The following VGLL1 variants were observed in gnomAD, a reference collection of about 807,000 sequenced individuals.
The protein encoded by VGLL1 is vestigial like family member 1, also known as transcription cofactor vestigial-like protein 1.
In VGLL1, 4 loss-of-function variants were observed where a neutral mutation model predicts 12.0. That is an observed-to-expected ratio of 0.33 (90% confidence interval 0.16 to 0.76). The LOEUF (loss-of-function observed/expected upper bound fraction) is 0.76, where lower values mean the gene tolerates loss of function less well. Among genes scored for constraint, VGLL1 ranks in the 30% least tolerant of loss-of-function variants. The pLI, the probability that VGLL1 is intolerant of heterozygous loss-of-function variation, is 0.60. For synonymous variants in VGLL1, 87 were observed against 81.2 expected (o/e 1.07, Z -0.39); for missense variants, 204 against 208.7 (o/e 0.98, Z 0.14).
At position 136,556,785 on chromosome X, in the gene VGLL1, CTG is replaced by C; in HGVS notation, c.*248_*249del. On this transcript the variant is annotated 3_prime_UTR_variant, in exon 5 of 5. Coordinates refer to ENST00000370634, the MANE Select transcript of VGLL1 (RefSeq NM_016267.4). ...GCTCAGATGATGAATAATAATAAAACTGTACTTTTTTGGATGGTGCTATGCCG... is the reference window on the plus strand; with the variant it reads ...GCTCAGATGATGAATAATAATAAAACTACTTTTTTGGATGGTGCTATGCCG... The C allele has an allele frequency of 3.1e-6, 1 of 319,430 alleles. No individual in the cohort carries two copies. Among genetic ancestry groups the C allele is most frequent in the Admixed American group, 5.3e-5 (1 of 19,022 alleles). The allele number at this position is 319,430 out of a possible 1,213,427, so 26.3% of individuals were successfully genotyped here. A position where few individuals can be genotyped will look rare whatever the true frequency, so the allele number is the denominator to read the frequency against.
At position 136,536,234 on chromosome X, in the gene VGLL1, G is replaced by A. The variant is rs377012032; in HGVS notation, c.214G>A (p.Asp72Asn). 21 of 1,206,021 alleles carry A rather than the reference G, an allele frequency of 1.7e-5. No individual in the cohort carries two copies. In the African/African-American group the frequency reaches 3.0e-4, roughly 17 times the overall value. The change falls in exon 2 of 5, where the codon GAT becomes AAT. Residue 72 changes from aspartate to asparagine, a missense_variant and splice_region_variant. Transcript: ENST00000370634. ...GAGTGAAGGTGTGATGCTGAAAAAC[G>A]GTGAGCATGTGGGGAGGGAGGGAGC... The part of the protein sequence containing the change: ...SQSEGVMLKN[D>N]DSMSPNQWRY...
chrX:136,533,341 G>T (rs2075831250), intron 1 of VGLL1, among the ~76,000 whole-genome samples: 2 of 111,040 alleles, frequency 1.8e-5, no homozygotes, highest in African/African-American at 6.6e-5. Context: ...AGCTCTCCAA[G>T]GTGAAGAGGC....
At chrX:136,537,763 G>A (rs1457820705) in intron 2 of VGLL1, among the ~76,000 whole-genome samples, 2 of 106,127 alleles carry the variant, frequency 1.9e-5, no homozygotes, top group Non-Finnish European at 3.9e-5. Context: ...ACAGGATCTC[G>A]CTATGTTGCC....
intron 2 of VGLL1, among the ~76,000 whole-genome samples, chrX:136,541,240 C>G: frequency 8.9e-6 from 1 of 112,258 alleles, no homozygotes; most frequent in Non-Finnish European, 1.9e-5. Context: ...GGGCATGGCC[C>G]TGTTCCTTGC....
chrX:136,535,282 C>T (rs1349701407), intron 1 of VGLL1, among the ~76,000 whole-genome samples: 1 of 112,423 alleles, frequency 8.9e-6, no homozygotes, highest in Non-Finnish European at 1.9e-5. Flanking sequence ...GGGAACAGAG[C>T]TGACAATCTT....
intron 2 of VGLL1, among the ~76,000 whole-genome samples, chrX:136,541,222 G>A (rs2075855292): frequency 8.9e-6 from 1 of 112,095 alleles, no homozygotes; most frequent in African/African-American, 3.2e-5. Flanking sequence ...TGCCTGCTGA[G>A]GGAAGTTGGG....
intron 3 of VGLL1, 31 bp from the exon 4 acceptor site, chrX:136,550,737 G>T: frequency 8.5e-7 from 1 of 1,182,817 alleles, no homozygotes; most frequent in Non-Finnish European, 1.1e-6. Context: ...AGAAATTTCA[G>T]TTCCAATAAT....
chrX:136,544,620 A>G (rs921704328), intron 2 of VGLL1, among the ~76,000 whole-genome samples: 18 of 112,672 alleles, frequency 1.6e-4, no homozygotes, highest in African/African-American at 4.8e-4. Flanking sequence ...TGAGGATCAC[A>G]TGAGATCATG....
At chrX:136,534,738 A>G (rs2075834857) in intron 1 of VGLL1, among the ~76,000 whole-genome samples, 1 of 112,082 alleles carries the variant, frequency 8.9e-6, no homozygotes, top group Non-Finnish European at 1.9e-5. Context: ...AGTTTTTCAA[A>G]GCATTTGTTC....
At chrX:136,533,316 A>G (rs963835430) in intron 1 of VGLL1, among the ~76,000 whole-genome samples, 39 of 110,906 alleles carry the variant, frequency 3.5e-4, no homozygotes, top group Non-Finnish European at 7.2e-4. Flanking sequence ...AGGATGCCCA[A>G]TTGCCCACGG....
chrX:136,535,847 C>T (rs1402293516), intron 1 of VGLL1, 149 bp from the exon 2 acceptor site: 1 of 445,164 alleles, frequency 2.2e-6, no homozygotes, highest in African/African-American at 2.5e-5. Flanking sequence ...TCGTCATTGA[C>T]CTTTAGGAGC....
intron 4 of VGLL1, 134 bp downstream of exon 4, chrX:136,550,955 A>G (rs886863347): frequency 1.8e-6 from 1 of 546,157 alleles, no homozygotes; most frequent in East Asian, 3.6e-5. Context: ...CGGGAGCCTT[A>G]TTTCTATCAC....
chrX:136,549,990 T>C (rs146520772), intron 3 of VGLL1, among the ~76,000 whole-genome samples: 1 of 112,203 alleles, frequency 8.9e-6, no homozygotes, highest in Non-Finnish European at 1.9e-5. Flanking sequence ...ATCTTTACAC[T>C]GAACTAAGCA....
chrX:136,548,985 A>G lies in VGLL1; in HGVS notation c.611A>G (p.Asn204Ser), dbSNP rs1369282088. The G allele has an allele frequency of 2.5e-6, 3 of 1,210,037 alleles. No homozygotes were observed. The highest frequency in any genetic ancestry group is 2.2e-5 in the Admixed American group (1 of 46,008). ...GCTGGAAGCACAGGGTTGCTCTTCA[A>G]CCTGCCTCCCGGCTCAGTTCACTGT... is the stretch of plus-strand genomic sequence containing the variant. ...QIAGSTGLLF[N>S]LPPGSVHYKK... The change falls in exon 3 of 5, where the codon AAC becomes AGC. Residue 204 changes from asparagine (N) to serine (S), a missense_variant. Physicochemically the swap from Asn to Ser is conservative, Grantham distance 46. Coordinates refer to ENST00000370634, the MANE Select transcript of VGLL1 (RefSeq NM_016267.4).
chrX:136,538,067 C>G (rs1488117102), intron 2 of VGLL1, among the ~76,000 whole-genome samples: 1 of 111,682 alleles, frequency 9.0e-6, no homozygotes, highest in Non-Finnish European at 1.9e-5. Flanking sequence ...TTCACAGGGC[C>G]AGGTGTGTCT....
At chrX:136,532,321 G>A (rs1488180473) in intron 1 of VGLL1, 25 bp downstream of exon 1, 1 of 111,574 alleles carries the variant, frequency 9.0e-6, no homozygotes, top group Admixed American at 9.5e-5. Flanking sequence ...GGATTTTTTT[G>A]GGGGGAGAAG....
chrX:136,533,340 A>AG (rs1456340737), intron 1 of VGLL1, among the ~76,000 whole-genome samples: 1 of 111,124 alleles, frequency 9.0e-6, no homozygotes, highest in Non-Finnish European at 1.9e-5. Flanking sequence ...GAGCTCTCCA[A>AG]GGTGAAGAGG....
chrX:136,534,499 G>A (rs781425208), intron 1 of VGLL1, among the ~76,000 whole-genome samples: 3 of 111,340 alleles, frequency 2.7e-5, no homozygotes, highest in Admixed American at 9.5e-5. Context: ...TTGTTCTTTT[G>A]CTGAGTAACA....
intron 2 of VGLL1, among the ~76,000 whole-genome samples, chrX:136,537,434 G>GTA (rs1403714537): frequency 1.8e-5 from 2 of 111,375 alleles, no homozygotes; most frequent in African/African-American, 6.5e-5. Context: ...TGTAAAAATG[G>GTA]GTGCTGTTTA....
Sources: gnomAD v4.1 joint callset for allele counts (sites outside exome capture counted in the v4.1 genomes callset) on GRCh38, gnomAD v4.1.1 for gene constraint, MANE v1.5 for transcripts, NCBI Gene and HGNC (gene_info 2026-07-23, HGNC 2026-07-21) for gene names.